The following CD6 variants were observed in gnomAD, a reference collection of about 807,000 sequenced individuals.
CD6 encodes the protein CD6 molecule.
In CD6, 53 loss-of-function variants were observed where a neutral mutation model predicts 75.3. The observed-to-expected ratio is 0.70, with a 90% CI of 0.56 to 0.88. CD6 has a LOEUF of 0.88. Ranked by LOEUF, CD6 falls within the 40% of genes least tolerant of loss-of-function variation. The pLI is 0.00. For missense variants in CD6, 770 were observed against 897.1 expected (o/e 0.86, Z 1.81); for synonymous variants, 359 against 381.5 (o/e 0.94, Z 0.69).
chr11:60,974,067 G>A (rs566610497), intron 1 of CD6, among the ~76,000 whole-genome samples: 4 of 152,120 alleles, frequency 2.6e-5, no homozygotes, highest in Admixed American at 6.5e-5. Context: ...GTGTTGGGCC[G>A]ACCATATTGG....
At position 61,011,438 on chromosome 11, in the gene CD6, T is replaced by C. The variant is rs12295444; in HGVS notation, c.1150+303T>C. 4.1e-3 allele frequency among the ~76,000 whole-genome samples: 620 copies of C among 152,100 alleles called. 8 individuals are homozygous for C. Among genetic ancestry groups the C allele is most frequent in the African/African-American group, 0.014 (594 of 41,500 alleles). On this transcript the variant is annotated intron_variant, in intron 6 of 12. Coordinates refer to ENST00000313421, the MANE Select transcript of CD6 (RefSeq NM_006725.5). Reference sequence around the variant, plus strand: ...GAAGGAAAGAGCTGGAGAGAGCTGATACCACCTCAAGCAGGGGTCAGGGTC... The same window carrying C: ...GAAGGAAAGAGCTGGAGAGAGCTGACACCACCTCAAGCAGGGGTCAGGGTC...
rs778195342 is a variant in CD6, at chr11:61,015,853, C to G, written c.1510+18C>G. 6.2e-7 allele frequency: 1 copy of G among 1,613,368 alleles called. No individual in the cohort carries two copies. Among genetic ancestry groups the G allele is most frequent in the Non-Finnish European group, 8.5e-7 (1 of 1,179,696 alleles). On this transcript the variant is annotated intron_variant, in intron 9 of 12. Coordinates refer to ENST00000313421, the MANE Select transcript of CD6 (RefSeq NM_006725.5). ...CTTCTACAGTGAGTGCCTGGCCGGG[C>G]TCCCGAGGGCCCACCTACCTGAATC... is the stretch of plus-strand genomic sequence containing the variant.
At chr11:60,977,568 T>A (rs995924714) in intron 1 of CD6, among the ~76,000 whole-genome samples, 1 of 152,264 alleles carries the variant, frequency 6.6e-6, no homozygotes, top group Non-Finnish European at 1.5e-5. Flanking sequence ...CCAGCCCACC[T>A]TCCCAGTGTT....
intron 1 of CD6, among the ~76,000 whole-genome samples, chr11:60,978,758 G>T (rs1427346923): frequency 2.6e-5 from 4 of 152,186 alleles, no homozygotes; most frequent in African/African-American, 9.7e-5. Flanking sequence ...CCCGGAGTCA[G>T]GCAGACGCGG....
intron 1 of CD6, among the ~76,000 whole-genome samples, chr11:60,972,478 C>G (rs1857224961): frequency 6.6e-6 from 1 of 152,202 alleles, no homozygotes; most frequent in South Asian, 2.1e-4. Context: ...ACCCCCACGT[C>G]TCAAGCTGCC....
intron 12 of CD6, chr11:61,018,728 G>T: frequency 3.1e-6 from 1 of 322,518 alleles, no homozygotes. Flanking sequence ...TGAGGTGGGA[G>T]GATCGTGTGA....
chr11:60,982,786 C>T (rs966617677), intron 1 of CD6: 7 of 455,122 alleles, frequency 1.5e-5, no homozygotes, highest in Non-Finnish European at 2.7e-5. Flanking sequence ...AAGTGGGGAA[C>T]GACATGCCCC....
intron 9 of CD6, chr11:61,016,985 T>C: frequency 6.2e-6 from 1 of 162,446 alleles, no homozygotes; most frequent in Non-Finnish European, 1.4e-5. Flanking sequence ...AAGTCAGTGG[T>C]ACCCGGTTCA....
intron 1 of CD6, among the ~76,000 whole-genome samples, chr11:60,977,545 G>A (rs893521163): frequency 8.5e-5 from 13 of 152,194 alleles, no homozygotes; most frequent in African/African-American, 9.6e-5. Context: ...AGCTCTTCCC[G>A]GAGCACTTTA....
intron 1 of CD6, among the ~76,000 whole-genome samples, chr11:60,997,606 T>G (rs183302269): frequency 6.6e-6 from 1 of 152,266 alleles, no homozygotes; most frequent in East Asian, 1.9e-4. Context: ...CAACCTGTAC[T>G]TCACACTTAA....
Position 60,982,556 on chromosome 11 carries a change from G to A in CD6, c.49+10642G>A, listed in dbSNP as rs1239648921. On this transcript the variant is annotated intron_variant, in intron 1 of 12. Transcript: ENST00000313421. ...CTGAGGAAGCCCCCCAGGCCTGGAG[G>A]AGGCCCGTTCCCCACTCCATTTGGT... is the stretch of plus-strand genomic sequence containing the variant. 13 of 455,728 alleles carry A rather than the reference G, an allele frequency of 2.9e-5. No homozygotes were observed. The Admixed American group carries it at 3.1e-4, about 11-fold the overall frequency. 28.2% of individuals were successfully genotyped at this position (455,728 alleles called of 1,614,324 possible).
In CD6 at chr11:61,009,798, C is replaced by A; in HGVS notation, c.1008C>A (p.Thr336=). The change falls in exon 5 of 13, where the codon ACC becomes ACA. Residue 336 remains threonine (T), a synonymous_variant. Transcript: ENST00000313421. ...MYYSCNGEEL[T]LSNCSWRFNN... The stretch of plus-strand genomic sequence containing the variant: ...ACTCATGCAATGGGGAGGAGCTCAC[C>A]CTCTCCAACTGCTCCTGGCGGTTCA... 4.4e-6 allele frequency: 7 copies of A among 1,608,998 alleles called. No homozygotes were observed. Among genetic ancestry groups the A allele is most frequent in the Non-Finnish European group, 5.1e-6 (6 of 1,177,220 alleles).
At chr11:61,002,281 G>A (rs563626443) in intron 1 of CD6, among the ~76,000 whole-genome samples, 16 of 152,236 alleles carry the variant, frequency 1.1e-4, no homozygotes, top group South Asian at 8.3e-4. Context: ...GACTGGGTGC[G>A]GTGGCTCACA....
chr11:60,973,718 C>A (rs1344025832), intron 1 of CD6, among the ~76,000 whole-genome samples: 2 of 152,162 alleles, frequency 1.3e-5, no homozygotes, highest in Non-Finnish European at 2.9e-5. Flanking sequence ...CAGGTATTTT[C>A]TTCTTGACTT....
chr11:60,972,725 C>T (rs1029313994), intron 1 of CD6, among the ~76,000 whole-genome samples: 8 of 152,160 alleles, frequency 5.3e-5, no homozygotes, highest in African/African-American at 1.4e-4. Context: ...AGTCTGGGTC[C>T]ACCTTGCAGC....
intron 1 of CD6, among the ~76,000 whole-genome samples, chr11:60,973,500 A>G (rs1275589250): frequency 1.3e-5 from 2 of 152,232 alleles, no homozygotes; most frequent in Admixed American, 6.5e-5. Context: ...CTCAGTTTTG[A>G]AAGGAAAGTT....
rs549474634 is a variant in CD6, at chr11:60,993,316, G to A, written c.50-13258G>A. On this transcript the variant is annotated intron_variant, in intron 1 of 12. Transcript: ENST00000313421. ...AGGAGGAGAGAATGCAGCCTTCAGA[G>A]AACCAGAATCACCCCCTTGCAGAAA... Among the ~76,000 whole-genome samples, 28 of 152,230 alleles carry A rather than the reference G, an allele frequency of 1.8e-4. 1 individual carries two copies. In the East Asian group the frequency reaches 5.4e-3, roughly 29 times the overall value.
chr11:61,001,666 A>G (rs1471804311), intron 1 of CD6, among the ~76,000 whole-genome samples: 1 of 152,178 alleles, frequency 6.6e-6, no homozygotes, highest in Non-Finnish European at 1.5e-5. Context: ...ACATAGAATC[A>G]TATCATACAT....
chr11:60,992,504 A>G (rs1431001042), intron 1 of CD6, among the ~76,000 whole-genome samples: 2 of 151,978 alleles, frequency 1.3e-5, no homozygotes, highest in Non-Finnish European at 2.9e-5. Context: ...TTTTTTCCCA[A>G]CCAAGACCTA....
Sources: gnomAD v4.1 joint callset for allele counts (sites outside exome capture counted in the v4.1 genomes callset) on GRCh38, gnomAD v4.1.1 for gene constraint, MANE v1.5 for transcripts, NCBI Gene and HGNC (gene_info 2026-07-23, HGNC 2026-07-21) for gene names.